AFF3: variants seen among roughly 807,000 people sequenced by gnomAD.
AFF3 encodes ALF transcription elongation factor 3, also known as AF4/FMR2 family member 3.
AFF3 carries 32 observed loss-of-function variants against 129.7 expected under a neutral mutation model. The ratio of observed to expected loss-of-function variants is 0.25; its 90% CI spans 0.19 to 0.33. The LOEUF (loss-of-function observed/expected upper bound fraction) is 0.33, where lower values mean the gene tolerates loss of function less well. Ranked by LOEUF, AFF3 falls within the 10% of genes least tolerant of loss-of-function variation. The pLI, the probability that AFF3 is intolerant of heterozygous loss-of-function variation, is 1.00. For synonymous variants in AFF3, 644 were observed against 635.4 expected, an observed-to-expected ratio of 1.01 and a Z score of -0.20; for missense variants, 1,373 against 1,592.0, an observed-to-expected ratio of 0.86 and a Z score of 2.34.
intron 10 of AFF3, 39 bp downstream of exon 10, chr2:99,744,065 T>G (rs759222973): frequency 2.1e-6 from 2 of 935,904 alleles, no homozygotes; most frequent in South Asian, 1.3e-5. Context: ...CCCCACCCCC[T>G]GCTCCCCAGA....
intron 7 of AFF3, among the ~76,000 whole-genome samples, chr2:99,866,300 A>G (rs1390399857): frequency 6.6e-6 from 1 of 152,232 alleles, no homozygotes; most frequent in Non-Finnish European, 1.5e-5. Context: ...TTTAAATTGA[A>G]ATGAATGGCA....
chr2:100,047,815 C>T (rs1348514251), intron 4 of AFF3, among the ~76,000 whole-genome samples: 2 of 152,198 alleles, frequency 1.3e-5, no homozygotes, highest in African/African-American at 2.4e-5. Context: ...CTTGTATTAA[C>T]TAGTGCCATA....
intron 8 of AFF3, among the ~76,000 whole-genome samples, chr2:99,798,794 G>A (rs1030729172): frequency 3.3e-5 from 5 of 151,886 alleles, no homozygotes; most frequent in Non-Finnish European, 7.4e-5. Flanking sequence ...CAAAATACAC[G>A]AAGCAAAAGT....
chr2:99,878,037 T>C (rs1244710935), intron 7 of AFF3, among the ~76,000 whole-genome samples: 1 of 152,194 alleles, frequency 6.6e-6, no homozygotes, highest in Non-Finnish European at 1.5e-5. Context: ...TCAGCTTACC[T>C]TGATTAGTAA....
chr2:99,829,430 G>T (rs1378857641), intron 8 of AFF3, among the ~76,000 whole-genome samples: 1 of 151,922 alleles, frequency 6.6e-6, no homozygotes. Context: ...GAACTGAAAC[G>T]TATTTACAAG....
chr2:100,053,133 C>T (rs1267274056), intron 4 of AFF3, among the ~76,000 whole-genome samples: 1 of 152,178 alleles, frequency 6.6e-6, no homozygotes, highest in Non-Finnish European at 1.5e-5. Flanking sequence ...TTTATGTTTA[C>T]CTTTTATCAT....
At chr2:99,700,460 C>T (rs1489878040) in intron 11 of AFF3, among the ~76,000 whole-genome samples, 1 of 152,174 alleles carries the variant, frequency 6.6e-6, no homozygotes, top group Admixed American at 6.5e-5. Flanking sequence ...GCTCAAAATT[C>T]CCACGTTCAC....
intron 14 of AFF3, among the ~76,000 whole-genome samples, chr2:99,597,209 T>C (rs1679375420): frequency 6.6e-6 from 1 of 152,228 alleles, no homozygotes; most frequent in Non-Finnish European, 1.5e-5. Flanking sequence ...TGCATCACTG[T>C]GTCTCCCACT....
intron 7 of AFF3, among the ~76,000 whole-genome samples, chr2:99,893,501 G>A (rs1010883511): frequency 2.6e-5 from 4 of 152,204 alleles, no homozygotes; most frequent in African/African-American, 7.2e-5. Flanking sequence ...CCCTTGTGAT[G>A]AGTGTCCTTG....
chr2:99,994,157 G>A (rs1209308585), intron 7 of AFF3, among the ~76,000 whole-genome samples: 2 of 151,914 alleles, frequency 1.3e-5, no homozygotes, highest in East Asian at 1.9e-4. Context: ...AAACTGATAC[G>A]CAGACTGAAA....
intron 13 of AFF3, among the ~76,000 whole-genome samples, chr2:99,602,834 G>T (rs1312694294): frequency 6.6e-6 from 1 of 152,160 alleles, no homozygotes; most frequent in South Asian, 2.1e-4. Flanking sequence ...GCCCAAAGAG[G>T]ACTTTCATAA....
intron 2 of AFF3, among the ~76,000 whole-genome samples, chr2:100,112,006 C>T: frequency 6.6e-6 from 1 of 152,186 alleles, no homozygotes; most frequent in East Asian, 1.9e-4. Context: ...ATTTATGGAT[C>T]CCAAATTGAT....
chr2:100,083,361 G>T (rs1473004584), intron 4 of AFF3, among the ~76,000 whole-genome samples: 3 of 152,126 alleles, frequency 2.0e-5, no homozygotes, highest in Admixed American at 6.5e-5. Context: ...GGTTTTCCTG[G>T]AGTACCTTCC....
At chr2:99,704,134 T>C (rs1677139084) in intron 11 of AFF3, among the ~76,000 whole-genome samples, 2 of 152,194 alleles carry the variant, frequency 1.3e-5, no homozygotes, top group Admixed American at 1.3e-4. Flanking sequence ...TTATAACTTC[T>C]GCATCACCAT....
At chr2:100,137,008 TACTG>T (rs1275615220) in intron 1 of AFF3, among the ~76,000 whole-genome samples, 2 of 152,196 alleles carry the variant, frequency 1.3e-5, no homozygotes, top group African/African-American at 2.4e-5. Context: ...TGCATTTTCT[TACTG>T]ACCTTTTTCT....
intron 11 of AFF3, among the ~76,000 whole-genome samples, chr2:99,716,596 A>ATATG (rs1397175816): frequency 1.3e-5 from 2 of 151,788 alleles, no homozygotes; most frequent in Non-Finnish European, 2.9e-5. Flanking sequence ...ATATATATAT[A>ATATG]TATAGGCTGG....
chr2:100,127,684 C>T (rs6743560), intron 2 of AFF3, among the ~76,000 whole-genome samples: 3,010 of 152,266 alleles, frequency 0.02, 99 homozygotes, highest in African/African-American at 0.067. Context: ...CTGGAGAGCT[C>T]CCAGGATGGC....
chr2:99,629,772 G>A (rs1241799289), intron 13 of AFF3, among the ~76,000 whole-genome samples: 1 of 152,166 alleles, frequency 6.6e-6, no homozygotes, highest in Non-Finnish European at 1.5e-5. Context: ...TCTTCTTGCT[G>A]TGTGCTCACA....
intron 7 of AFF3, among the ~76,000 whole-genome samples, chr2:99,908,640 C>T (rs2106183908): frequency 6.6e-6 from 1 of 152,194 alleles, no homozygotes; most frequent in South Asian, 2.1e-4. Flanking sequence ...AAAAAACAAA[C>T]AACCCCATCA....
Sources: gnomAD v4.1 joint callset for allele counts (sites outside exome capture counted in the v4.1 genomes callset) on GRCh38, gnomAD v4.1.1 for gene constraint, MANE v1.5 for transcripts, NCBI Gene and HGNC (gene_info 2026-07-23, HGNC 2026-07-21) for gene names.